The following GALNTL6 variants were observed in gnomAD, a reference collection of about 807,000 sequenced individuals.
The protein encoded by GALNTL6 is polypeptide N-acetylgalactosaminyltransferase-like 6.
GALNTL6 carries 46 observed loss-of-function variants against 73.7 expected under a neutral mutation model. That is an observed-to-expected ratio of 0.62 (90% CI 0.49 to 0.80). GALNTL6 has a LOEUF of 0.80. Among genes scored for constraint, GALNTL6 ranks in the 30% least tolerant of loss-of-function variants. The pLI is 0.00. For synonymous variants in GALNTL6, 259 were observed against 263.7 expected (o/e 0.98, Z 0.17); for missense variants, 604 against 755.0 (o/e 0.80, Z 2.34).
chr4:172,801,653 A>G (rs1016760813), intron 5 of GALNTL6, among the ~76,000 whole-genome samples: 3 of 152,212 alleles, frequency 2.0e-5, no homozygotes, highest in Non-Finnish European at 4.4e-5. Context: ...GGGCCATGCC[A>G]TGGTGAATAC....
chr4:172,167,575 A>G (rs1302004566), intron 2 of GALNTL6, among the ~76,000 whole-genome samples: 2 of 152,260 alleles, frequency 1.3e-5, no homozygotes, highest in African/African-American at 2.4e-5. Context: ...ATAACTATAT[A>G]TGACCATATG....
rs139873215 is a variant in GALNTL6 at position 173,021,175 on chromosome 4, C to T, written c.1489-301C>T. On this transcript the variant is annotated intron_variant, in intron 11 of 12. Coordinates refer to ENST00000506823, the MANE Select transcript of GALNTL6 (RefSeq NM_001034845.3). ...CCTCTTACTCGTTCTCCTTCAATCT[C>T]CTTCTTCCATGCCCCTCCCTGCATC... 3.3e-4 allele frequency among the ~76,000 whole-genome samples: 50 copies of T among 152,296 alleles called. No homozygotes were observed. In the East Asian group the frequency reaches 5.6e-3, roughly 17 times the overall value.
intron 5 of GALNTL6, among the ~76,000 whole-genome samples, chr4:172,384,969 TTG>T (rs71655291): frequency 0.82 from 118,658 of 145,204 alleles, 48,872 homozygotes; most frequent in Non-Finnish European, 0.87. Context: ...TGTTGTAATT[TTG>T]TGTGTGTGTG....
chr4:171,974,138 T>C (rs897875026), intron 2 of GALNTL6, among the ~76,000 whole-genome samples: 1 of 152,136 alleles, frequency 6.6e-6, no homozygotes, highest in African/African-American at 2.4e-5. Flanking sequence ...TAGCTGGGAC[T>C]ACAGGCAAGT....
At chr4:172,535,993 CATG>C (rs1735333284) in intron 5 of GALNTL6, among the ~76,000 whole-genome samples, 1 of 152,210 alleles carries the variant, frequency 6.6e-6, no homozygotes, top group African/African-American at 2.4e-5. Context: ...GTAATTAAAT[CATG>C]GTGGTGGTTA....
intron 5 of GALNTL6, among the ~76,000 whole-genome samples, chr4:172,682,157 A>G (rs1732665015): frequency 6.6e-6 from 1 of 152,200 alleles, no homozygotes; most frequent in Non-Finnish European, 1.5e-5. Flanking sequence ...ATAGATAATG[A>G]TCTGGACAGA....
At chr4:172,715,020 A>C (rs1579382374) in intron 5 of GALNTL6, among the ~76,000 whole-genome samples, 1 of 152,270 alleles carries the variant, frequency 6.6e-6, no homozygotes, top group South Asian at 2.1e-4. Flanking sequence ...AAACTAATCA[A>C]ATTCTGTATA....
intron 2 of GALNTL6, among the ~76,000 whole-genome samples, chr4:172,077,186 G>A (rs1731726545): frequency 6.6e-6 from 1 of 152,120 alleles, no homozygotes; most frequent in South Asian, 2.1e-4. Context: ...ACAGAAAATT[G>A]GTACTAGGAA....
intron 2 of GALNTL6, among the ~76,000 whole-genome samples, chr4:171,941,878 G>A (rs1372447288): frequency 6.6e-6 from 1 of 152,042 alleles, no homozygotes; most frequent in African/African-American, 2.4e-5. Context: ...AACATAAACA[G>A]TATTCAGCAA....
Position 172,457,356 on chromosome 4 carries a change from A to G in GALNTL6, c.553+108667A>G, listed in dbSNP as rs148411471. 7.0e-3 allele frequency among the ~76,000 whole-genome samples: 1,061 copies of G among 152,340 alleles called. 6 individuals carry two copies. Among genetic ancestry groups the G allele is most frequent in the Non-Finnish European group, 9.3e-3 (631 of 68,028 alleles). On this transcript the variant is annotated intron_variant, in intron 5 of 12. Transcript: ENST00000506823. ...CATAATGACAGGATCAAATTCACAC[A>G]TAACAATATTAACCTTAAATATAAA...
chr4:171,974,514 A>G (rs901380336), intron 2 of GALNTL6, among the ~76,000 whole-genome samples: 5 of 152,190 alleles, frequency 3.3e-5, no homozygotes, highest in African/African-American at 1.2e-4. Context: ...ACTAATGATA[A>G]GGTTATTTAT....
intron 2 of GALNTL6, among the ~76,000 whole-genome samples, chr4:172,186,882 A>C (rs557676436): frequency 6.6e-6 from 1 of 152,232 alleles, no homozygotes; most frequent in South Asian, 2.1e-4. Context: ...AAAATACACT[A>C]AAAGCCACTG....
At chr4:171,976,479 T>C (rs1739724808) in intron 2 of GALNTL6, among the ~76,000 whole-genome samples, 1 of 152,204 alleles carries the variant, frequency 6.6e-6, no homozygotes, top group Non-Finnish European at 1.5e-5. Context: ...TAAACACATT[T>C]GAGATAGGGT....
intron 2 of GALNTL6, among the ~76,000 whole-genome samples, chr4:172,156,185 C>T (rs946025124): frequency 6.6e-6 from 1 of 151,954 alleles, no homozygotes; most frequent in Non-Finnish European, 1.5e-5. Context: ...GTGACTGCTA[C>T]GTAGTACCTT....
chr4:172,930,337 G>T (rs150310522), intron 8 of GALNTL6, among the ~76,000 whole-genome samples: 177 of 152,160 alleles, frequency 1.2e-3, no homozygotes, highest in Non-Finnish European at 2.1e-3. Context: ...AAAAAGATCA[G>T]TGGCGGGGGG....
intron 5 of GALNTL6, among the ~76,000 whole-genome samples, chr4:172,777,972 T>G (rs1739160992): frequency 1.3e-5 from 2 of 152,334 alleles, no homozygotes; most frequent in South Asian, 4.1e-4. Context: ...ACAAGATCAT[T>G]TATTGCTTTC....
intron 5 of GALNTL6, among the ~76,000 whole-genome samples, chr4:172,397,999 C>T (rs933513192): frequency 6.6e-6 from 1 of 151,990 alleles, no homozygotes; most frequent in East Asian, 1.9e-4. Context: ...TTATTCTTAA[C>T]TCTTTCCACT....
At chr4:172,303,308 G>C (rs1740006822) in intron 3 of GALNTL6, among the ~76,000 whole-genome samples, 1 of 152,024 alleles carries the variant, frequency 6.6e-6, no homozygotes, top group Non-Finnish European at 1.5e-5. Context: ...TTACCCTAGA[G>C]ATGTCAGTAT....
chr4:172,585,317 C>T (rs1363837270), intron 5 of GALNTL6, among the ~76,000 whole-genome samples: 1 of 151,966 alleles, frequency 6.6e-6, no homozygotes, highest in Non-Finnish European at 1.5e-5. Context: ...TATACATGTG[C>T]CATGGTGGTT....
Sources: allele counts gnomAD v4.1 joint callset (sites outside exome capture counted in the v4.1 genomes callset), GRCh38; gene constraint gnomAD v4.1.1; transcripts MANE v1.5; gene names NCBI Gene and HGNC (gene_info 2026-07-23, HGNC 2026-07-21).